The following AAGAB variants were observed in gnomAD, a reference collection of about 807,000 sequenced individuals.
The protein encoded by AAGAB is alpha and gamma adaptin binding protein.
A neutral mutation model predicts 44.1 loss-of-function variants in AAGAB; 38 were observed. That is an observed-to-expected ratio of 0.86 (90% CI 0.67 to 1.13). The LOEUF is 1.13. Among genes scored for constraint, AAGAB ranks in the 50% most tolerant of loss-of-function variants. The probability of loss-of-function intolerance (pLI) is 0.00; values close to 1 mark genes in which losing one functional copy is unlikely to be tolerated. For synonymous variants in AAGAB, 131 were observed against 131.8 expected (o/e 0.99, Z 0.04); for missense variants, 450 against 373.8 (o/e 1.20, Z -1.68).
intron 5 of AAGAB, among the ~76,000 whole-genome samples, chr15:67,218,548 T>G (rs755683886): frequency 6.6e-6 from 1 of 152,180 alleles, no homozygotes; most frequent in Non-Finnish European, 1.5e-5. Context: ...GCCTCTCAAT[T>G]TAAGGCACAG....
chr15:67,212,936 C>T (rs998141121), intron 5 of AAGAB, among the ~76,000 whole-genome samples: 3 of 152,098 alleles, frequency 2.0e-5, no homozygotes, highest in African/African-American at 7.2e-5. Flanking sequence ...AAATGTCATC[C>T]CTATTAAGAA....
At chr15:67,203,168 T>C (rs1159994320) in intron 9 of AAGAB, among the ~76,000 whole-genome samples, 1 of 152,176 alleles carries the variant, frequency 6.6e-6, no homozygotes, top group Non-Finnish European at 1.5e-5. Context: ...GCACATGACC[T>C]AAATGTCCAA....
intron 5 of AAGAB, among the ~76,000 whole-genome samples, chr15:67,210,586 A>G (rs1963794937): frequency 6.6e-6 from 1 of 152,224 alleles, no homozygotes; most frequent in African/African-American, 2.4e-5. Flanking sequence ...TAAGACTCCC[A>G]GTATGCTGTT....
rs796412643 is a variant in AAGAB, at chr15:67,222,282, A to ACACACACACACCC, written c.535+9531_535+9532insGGGTGTGTGTGTG. On this transcript the variant is annotated intron_variant, in intron 5 of 9. Coordinates refer to ENST00000261880, the MANE Select transcript of AAGAB (RefSeq NM_024666.5). ...CACACACACACACACACACACACAC[A>ACACACACACACCC]CCCTCCACCCATGCTGCCTGACTTT... 7.1e-5 allele frequency among the ~76,000 whole-genome samples: 10 copies of ACACACACACACCC among 139,930 alleles called. 1 individual carries two copies. Among genetic ancestry groups the ACACACACACACCC allele is most frequent in the South Asian group, 2.4e-4 (1 of 4,188 alleles). The allele number at this position is 139,930 out of a possible 152,430, so 91.8% of individuals were successfully genotyped here.
intron 5 of AAGAB, among the ~76,000 whole-genome samples, chr15:67,214,533 G>A (rs936855532): frequency 3.5e-4 from 53 of 152,278 alleles, no homozygotes; most frequent in Admixed American, 4.6e-4. Context: ...ATGCCTATAA[G>A]ACTGCCAAAT....
chr15:67,253,907 T>C (rs1045719615), intron 1 of AAGAB, among the ~76,000 whole-genome samples: 1 of 152,294 alleles, frequency 6.6e-6, no homozygotes, highest in South Asian at 2.1e-4. Context: ...AGCCCTTTAG[T>C]AGAGTTGGCT....
At chr15:67,210,733 T>C (rs1963798501) in intron 5 of AAGAB, among the ~76,000 whole-genome samples, 2 of 152,198 alleles carry the variant, frequency 1.3e-5, no homozygotes, top group South Asian at 4.1e-4. Flanking sequence ...TCAAGGACGC[T>C]ATCTGAGATT....
At chr15:67,250,029 T>C (rs1182082254) in intron 1 of AAGAB, among the ~76,000 whole-genome samples, 3 of 152,220 alleles carry the variant, frequency 2.0e-5, no homozygotes, top group Non-Finnish European at 4.4e-5. Flanking sequence ...AGTTGCTGAG[T>C]TGGCATTACA....
intron 4 of AAGAB, among the ~76,000 whole-genome samples, chr15:67,234,568 G>A (rs1308463711): frequency 6.6e-6 from 1 of 152,094 alleles, no homozygotes; most frequent in African/African-American, 2.4e-5. Context: ...AAAAGTCTAG[G>A]AAGGTTTTCA....
At chr15:67,228,036 T>A (rs1170866983) in intron 5 of AAGAB, among the ~76,000 whole-genome samples, 1 of 152,236 alleles carries the variant, frequency 6.6e-6, no homozygotes, top group African/African-American at 2.4e-5. Context: ...CTTTTAAGAA[T>A]ATTGTTTAGT....
intron 1 of AAGAB, among the ~76,000 whole-genome samples, chr15:67,248,640 A>G (rs1428128910): frequency 6.6e-6 from 1 of 152,248 alleles, no homozygotes; most frequent in East Asian, 1.9e-4. Context: ...AATTACTTCA[A>G]GATACTTTTG....
rs370826027 is a variant in AAGAB, at chr15:67,222,242, GCACA to G, written c.535+9568_535+9571del. ...TGCATGCACGCGCACGCGCGCGCGCGCACACACACACACACACACACACACACAC... is the reference window on the plus strand; with the variant it reads ...TGCATGCACGCGCACGCGCGCGCGCGCACACACACACACACACACACACAC... On this transcript the variant is annotated intron_variant, in intron 5 of 9. Coordinates refer to ENST00000261880, the MANE Select transcript of AAGAB (RefSeq NM_024666.5). Among the ~76,000 whole-genome samples, 312 of 90,098 alleles carry G rather than the reference GCACA, an allele frequency of 3.5e-3. 1 individual carries two copies. Among genetic ancestry groups the G allele is most frequent in the African/African-American group, 5.4e-3 (143 of 26,658 alleles). 59.1% of individuals were successfully genotyped at this position (90,098 alleles called of 152,430 possible).
Position 67,236,137 on chromosome 15 carries a change from C to A in AAGAB, c.362-69G>T, listed in dbSNP as rs139725221. On this transcript the variant is annotated intron_variant, in intron 3 of 9. Transcript: ENST00000261880. ...AAAACATGACTATTCCTGCAATATTCTTCACAAATCTCAATGTGTTTCCCT... is the reference window on the plus strand; with the variant it reads ...AAAACATGACTATTCCTGCAATATTATTCACAAATCTCAATGTGTTTCCCT... 5.4e-3 allele frequency: 6,519 copies of A among 1,204,646 alleles called. 468 individuals are homozygous for A. The Admixed American group carries it at 0.11, about 21-fold the overall frequency. The allele number at this position is 1,204,646 out of a possible 1,614,324, so 74.6% of individuals were successfully genotyped here.
At chr15:67,216,591 A>T (rs931456743) in intron 5 of AAGAB, among the ~76,000 whole-genome samples, 1 of 151,444 alleles carries the variant, frequency 6.6e-6, no homozygotes, top group Non-Finnish European at 1.5e-5. Context: ...TGAACTAAAC[A>T]TCAGAGTGAG....
At chr15:67,220,316 A>T (rs1207588984) in intron 5 of AAGAB, among the ~76,000 whole-genome samples, 2 of 152,258 alleles carry the variant, frequency 1.3e-5, no homozygotes, top group African/African-American at 4.8e-5. Flanking sequence ...TTCTGTAGCC[A>T]ATGAACTCAT....
chr15:67,235,124 G>A (rs1400321270), intron 4 of AAGAB, among the ~76,000 whole-genome samples: 1 of 152,160 alleles, frequency 6.6e-6, no homozygotes, highest in Non-Finnish European at 1.5e-5. Context: ...CACCTCTCCA[G>A]CAGTCCTCTC....
intron 5 of AAGAB, among the ~76,000 whole-genome samples, chr15:67,222,275 CA>C (rs1964098125): frequency 6.6e-6 from 1 of 150,472 alleles, no homozygotes; most frequent in Non-Finnish European, 1.5e-5. Flanking sequence ...CACACACACA[CA>C]CACACACCCT....
intron 4 of AAGAB, among the ~76,000 whole-genome samples, chr15:67,234,944 T>C (rs1300283050): frequency 1.3e-5 from 2 of 152,254 alleles, no homozygotes; most frequent in Non-Finnish European, 2.9e-5. Context: ...GGTAACAGCA[T>C]TTTGGAAAAA....
At chr15:67,234,234 C>G (rs991471787) in intron 4 of AAGAB, among the ~76,000 whole-genome samples, 1 of 151,952 alleles carries the variant, frequency 6.6e-6, no homozygotes, top group Admixed American at 6.6e-5. Context: ...GCCTGGGCAA[C>G]AGAGAGAGAC....
Sources: gnomAD v4.1 joint callset for allele counts (sites outside exome capture counted in the v4.1 genomes callset) on GRCh38, gnomAD v4.1.1 for gene constraint, MANE v1.5 for transcripts, NCBI Gene and HGNC (gene_info 2026-07-23, HGNC 2026-07-21) for gene names.